The following CCDC60 variants were observed in gnomAD, a reference collection of about 807,000 sequenced individuals.
The protein encoded by CCDC60 is coiled-coil domain-containing protein 60.
In CCDC60, 54 loss-of-function variants were observed where a neutral mutation model predicts 63.5. The ratio of observed to expected loss-of-function variants is 0.85; its 90% CI spans 0.68 to 1.07. CCDC60 has a LOEUF of 1.07. Among genes scored for constraint, CCDC60 ranks in the 50% least tolerant of loss-of-function variants. The pLI is 0.00. For missense variants in CCDC60, 651 were observed against 684.3 expected (o/e 0.95, Z 0.54); for synonymous variants, 206 against 238.8 (o/e 0.86, Z 1.27).
intron 2 of CCDC60, among the ~76,000 whole-genome samples, chr12:119,438,586 G>C (rs1047147959): frequency 6.6e-6 from 1 of 152,202 alleles, no homozygotes; most frequent in Non-Finnish European, 1.5e-5. Flanking sequence ...ATGGGAGAGA[G>C]AGATAACAAG....
chr12:119,512,903 CCTCT>C (rs1952251536), intron 7 of CCDC60, among the ~76,000 whole-genome samples: 1 of 152,182 alleles, frequency 6.6e-6, no homozygotes, highest in Admixed American at 6.5e-5. Flanking sequence ...TCAAAAGTCT[CCTCT>C]CTTTTATTTC....
At chr12:119,507,579 CACAT>C (rs1952069835) in intron 7 of CCDC60, among the ~76,000 whole-genome samples, 1 of 31,022 alleles carries the variant, frequency 3.2e-5, no homozygotes, top group Non-Finnish European at 4.7e-5. Context: ...TGTATATATA[CACAT>C]ATATATACAT....
In CCDC60 at chr12:119,479,995, TACACACACACACAC is replaced by T. The variant is rs56080581; in HGVS notation, c.449+831_449+844del. On this transcript the variant is annotated intron_variant, in intron 4 of 13. Transcript: ENST00000327554. ...GTGCATGAGCCCCCACCGTACATCATACACACACACACACACACACACACACACACACACACACA... is the reference window on the plus strand; with the variant it reads ...GTGCATGAGCCCCCACCGTACATCATACACACACACACACACACACACACA... Among the ~76,000 whole-genome samples, 1,016 of 122,078 alleles carry T rather than the reference TACACACACACACAC, an allele frequency of 8.3e-3. 12 individuals are homozygous for T. The highest frequency in any genetic ancestry group is 0.029 in the African/African-American group (940 of 32,230). The allele number at this position is 122,078 out of a possible 152,430, so 80.1% of individuals were successfully genotyped here.
chr12:119,346,114 T>A (rs1213646319), intron 1 of CCDC60, among the ~76,000 whole-genome samples: 1 of 151,534 alleles, frequency 6.6e-6, no homozygotes, highest in Non-Finnish European at 1.5e-5. Flanking sequence ...TGTGAGCCAC[T>A]GTACCTGGCC....
chr12:119,418,450 T>C, intron 1 of CCDC60, among the ~76,000 whole-genome samples: 1 of 126,142 alleles, frequency 7.9e-6, no homozygotes, highest in Non-Finnish European at 1.6e-5. Context: ...GGTCTCACTC[T>C]GTTCCCCAGG....
rs1555233707 is a variant in CCDC60 at position 119,387,034 on chromosome 12, T to TCACA, written c.91-41611_91-41608dup. Reference sequence around the variant, plus strand: ...CTCCCTCCCTCCCCCTCTGTCTCTCTCACACACACACACACACACACACAC... The same window carrying TCACA: ...CTCCCTCCCTCCCCCTCTGTCTCTCTCACACACACACACACACACACACACACAC... On this transcript the variant is annotated intron_variant, in intron 1 of 13. Coordinates refer to ENST00000327554, the MANE Select transcript of CCDC60 (RefSeq NM_178499.5). Among the ~76,000 whole-genome samples the TCACA allele has an allele frequency of 2.9e-3, 310 of 105,400 alleles. 5 individuals are homozygous for TCACA. Among genetic ancestry groups the TCACA allele is most frequent in the East Asian group, 0.014 (37 of 2,580 alleles). 69.1% of individuals were successfully genotyped at this position (105,400 alleles called of 152,430 possible).
intron 1 of CCDC60, among the ~76,000 whole-genome samples, chr12:119,338,074 C>T (rs867064688): frequency 1.4e-4 from 22 of 152,034 alleles, no homozygotes; most frequent in Admixed American, 1.2e-3. Context: ...CCAAGACTTC[C>T]GGCCCGAAAG....
At chr12:119,517,192 G>A (rs755567516) in intron 8 of CCDC60, among the ~76,000 whole-genome samples, 6 of 151,836 alleles carry the variant, frequency 4.0e-5, no homozygotes, top group East Asian at 3.9e-4. Context: ...ACAGGGTCTC[G>A]CTATACTGCC....
At chr12:119,524,531 C>G in intron 11 of CCDC60, 1 of 780,606 alleles carries the variant, frequency 1.3e-6, no homozygotes. Flanking sequence ...GAAGACTAAT[C>G]CTTGCCCTTT....
chr12:119,518,118 A>G (rs1425866410), intron 8 of CCDC60, among the ~76,000 whole-genome samples: 1 of 151,970 alleles, frequency 6.6e-6, no homozygotes, highest in African/African-American at 2.4e-5. Context: ...TGCTGCCTCA[A>G]CTCTCATTGG....
chr12:119,353,498 CTG>C (rs1555231093), intron 1 of CCDC60, among the ~76,000 whole-genome samples: 3 of 151,252 alleles, frequency 2.0e-5, no homozygotes, highest in Admixed American at 1.3e-4. Flanking sequence ...CTCTGTCTCT[CTG>C]TCTCTCTGTC....
At chr12:119,504,726 A>C (rs1951946528) in intron 6 of CCDC60, among the ~76,000 whole-genome samples, 1 of 152,252 alleles carries the variant, frequency 6.6e-6, no homozygotes, top group Non-Finnish European at 1.5e-5. Context: ...TTACAAAAGA[A>C]AAGTCAAAAC....
At chr12:119,377,489 T>C (rs1169548808) in intron 1 of CCDC60, among the ~76,000 whole-genome samples, 1 of 152,146 alleles carries the variant, frequency 6.6e-6, no homozygotes, top group African/African-American at 2.4e-5. Context: ...GTTACAATAT[T>C]ATAAATAAGG....
chr12:119,484,846 C>T (rs1487124658), intron 4 of CCDC60, among the ~76,000 whole-genome samples: 2 of 152,214 alleles, frequency 1.3e-5, no homozygotes, highest in African/African-American at 2.4e-5. Context: ...GAGCACAGAG[C>T]ACCCTGTGGT....
At chr12:119,439,697 G>C (rs1221432419) in intron 2 of CCDC60, among the ~76,000 whole-genome samples, 1 of 152,174 alleles carries the variant, frequency 6.6e-6, no homozygotes, top group African/African-American at 2.4e-5. Context: ...GTGTTCTGTA[G>C]TCACAGATGT....
At chr12:119,496,154 C>T (rs1391335765) in intron 5 of CCDC60, among the ~76,000 whole-genome samples, 3 of 152,152 alleles carry the variant, frequency 2.0e-5, no homozygotes, top group Non-Finnish European at 4.4e-5. Flanking sequence ...CCTCTGCCCC[C>T]GCCCTGCTGC....
At chr12:119,528,371 G>T (rs1378935413) in intron 11 of CCDC60, among the ~76,000 whole-genome samples, 1 of 152,054 alleles carries the variant, frequency 6.6e-6, no homozygotes, top group South Asian at 2.1e-4. Context: ...ATCAGAAGTA[G>T]GAAGAGAATG....
At chr12:119,335,713 A>G (rs11064752) in intron 1 of CCDC60, among the ~76,000 whole-genome samples, 99,584 of 151,786 alleles carry the variant, frequency 0.66, 33,106 homozygotes, top group East Asian at 0.82. Flanking sequence ...TTTGTCAGAT[A>G]AGTATGTTGC....
intron 3 of CCDC60, among the ~76,000 whole-genome samples, chr12:119,478,591 A>AT (rs1951230635): frequency 6.8e-6 from 1 of 147,824 alleles, no homozygotes; most frequent in South Asian, 2.2e-4. Flanking sequence ...TATATACTCC[A>AT]TAAGGCAGGG....
Sources: allele counts gnomAD v4.1 joint callset (sites outside exome capture counted in the v4.1 genomes callset), GRCh38; gene constraint gnomAD v4.1.1; transcripts MANE v1.5; gene names NCBI Gene and HGNC (gene_info 2026-07-23, HGNC 2026-07-21).